The following MAPK9 variants were observed in gnomAD, a reference collection of about 807,000 sequenced individuals.
MAPK9 encodes Jun kinase.
In MAPK9, 30 loss-of-function variants were observed where a neutral mutation model predicts 57.1. The observed-to-expected ratio is 0.53, with a 90% CI of 0.39 to 0.71. MAPK9 has a LOEUF of 0.71. MAPK9 is among the 30% of genes least tolerant of loss of function. The pLI, the probability that MAPK9 is intolerant of heterozygous loss-of-function variation, is 0.00. For missense variants in MAPK9, 362 were observed against 521.0 expected (o/e 0.69, Z 2.97); for synonymous variants, 155 against 177.0 (o/e 0.88, Z 0.99).
Position 180,247,919 on chromosome 5 carries a change from G to C in MAPK9, c.617-409C>G. The C allele has an allele frequency of 6.2e-7, 1 of 1,613,858 alleles. No homozygotes were observed. Among genetic ancestry groups the C allele is most frequent in the Non-Finnish European group, 8.5e-7 (1 of 1,179,934 alleles). On this transcript the variant is annotated intron_variant, in intron 6 of 11. Transcript: ENST00000452135. The surrounding 1 kb of genome is among the most constrained non-coding windows in gnomAD (Gnocchi z 4.5). Reference sequence around the variant, plus strand: ...CTGCCATGATGCACCCGACAGACCAGATGTCCACTACCAAACACCAGGGGA... The same window carrying C: ...CTGCCATGATGCACCCGACAGACCACATGTCCACTACCAAACACCAGGGGA...
intron 3 of MAPK9, 52 bp downstream of exon 3, chr5:180,269,228 C>G (rs1192342775): frequency 1.3e-6 from 2 of 1,565,208 alleles, no homozygotes; most frequent in African/African-American, 1.4e-5. Flanking sequence ...CTGAAGATTA[C>G]CACATTATTG....
rs114045781 is a variant in MAPK9 at position 180,236,447 on chromosome 5, C to T, written c.1212G>A (p.Thr404=). 2.2e-4 allele frequency: 353 copies of T among 1,613,890 alleles called. No homozygotes were observed. The highest frequency in any genetic ancestry group is 2.8e-4 in the Non-Finnish European group (327 of 1,179,820). ...GACTGCTGTCTGTGTCTGAGGCCAG[C>T]GTCTGCTCAGTGGACATGGATGAAA... The part of the protein sequence containing the change: ...NDISSMSTEQ[T]LASDTDSSLD... Residue 404 remains threonine (T), a synonymous_variant, in exon 12 of 12, where the codon ACG becomes ACA. Transcript: ENST00000452135.
At chr5:180,263,372 C>G (rs1443747617) in intron 4 of MAPK9, among the ~76,000 whole-genome samples, 1 of 152,184 alleles carries the variant, frequency 6.6e-6, no homozygotes, top group African/African-American at 2.4e-5. Flanking sequence ...AACAGAACTG[C>G]TGCAACAGCA....
At chr5:180,267,757 T>TG (rs1407106908) in intron 3 of MAPK9, among the ~76,000 whole-genome samples, 2 of 152,008 alleles carry the variant, frequency 1.3e-5, no homozygotes, top group Non-Finnish European at 2.9e-5. Flanking sequence ...CCCAGCTACT[T>TG]GGAGGGCTGA....
At chr5:180,288,519 C>T (rs1356547205) in intron 1 of MAPK9, among the ~76,000 whole-genome samples, 1 of 152,124 alleles carries the variant, frequency 6.6e-6, no homozygotes, top group African/African-American at 2.4e-5. Context: ...AGAGACCTAC[C>T]GAAGTGTGAA....
In MAPK9 at chr5:180,247,987, C is replaced by T. The variant is rs1047043042; in HGVS notation, c.617-477G>A. 5.0e-5 allele frequency: 77 copies of T among 1,537,130 alleles called. No homozygotes were observed. Among genetic ancestry groups the T allele is most frequent in the African/African-American group, 2.7e-5 (2 of 73,268 alleles). ...TCCCCCATCTTTTTTCTTCAAACCC[C>T]CTCCCAGGACAAACCCGGTACACGT... is the stretch of plus-strand genomic sequence containing the variant. On this transcript the variant is annotated intron_variant, in intron 6 of 11. Transcript: ENST00000452135. The surrounding 1 kb of genome is among the most constrained non-coding windows in gnomAD (Gnocchi z 4.5).
At chr5:180,244,079 C>T (rs1757877152) in intron 7 of MAPK9, among the ~76,000 whole-genome samples, 1 of 152,096 alleles carries the variant, frequency 6.6e-6, no homozygotes, top group Non-Finnish European at 1.5e-5. Context: ...GAATTCCTGG[C>T]CTCAAGTGAT....
chr5:180,284,289 C>T (rs10052124), intron 1 of MAPK9, among the ~76,000 whole-genome samples: 1 of 152,156 alleles, frequency 6.6e-6, no homozygotes, highest in Non-Finnish European at 1.5e-5. Flanking sequence ...GTTCCTCCCC[C>T]TCAGCTCCCA....
At chr5:180,277,652 A>G (rs1331618766) in intron 2 of MAPK9, among the ~76,000 whole-genome samples, 2 of 152,174 alleles carry the variant, frequency 1.3e-5, no homozygotes. Context: ...TTTCAAGTAC[A>G]ATAGTGATGA....
Position 180,238,320 on chromosome 5 carries a change from G to T in MAPK9, c.1132+12C>A. On this transcript the variant is annotated intron_variant, in intron 11 of 11. Transcript: ENST00000452135. Reference sequence around the variant, plus strand: ...GAAAAATATCATACAATCAATTAAAGCAATCACTAACCTGAAGGCTGATCT... The same window carrying T: ...GAAAAATATCATACAATCAATTAAATCAATCACTAACCTGAAGGCTGATCT... 1 of 1,596,830 alleles carries T rather than the reference G, an allele frequency of 6.3e-7. No individual in the cohort carries two copies. The highest frequency in any genetic ancestry group is 8.6e-7 in the Non-Finnish European group (1 of 1,167,814).
At chr5:180,278,998 C>T (rs1170009469) in intron 2 of MAPK9, among the ~76,000 whole-genome samples, 2 of 150,216 alleles carry the variant, frequency 1.3e-5, no homozygotes, top group Non-Finnish European at 3.0e-5. Flanking sequence ...TGCTCCATCG[C>T]CCAGGCTGGA....
At chr5:180,272,080 T>A (rs991371550) in intron 2 of MAPK9, among the ~76,000 whole-genome samples, 1 of 152,224 alleles carries the variant, frequency 6.6e-6, no homozygotes, top group African/African-American at 2.4e-5. Flanking sequence ...ATTATTGTTG[T>A]CTGGCATCTC....
chr5:180,267,710 T>C (rs1298680203), intron 3 of MAPK9, among the ~76,000 whole-genome samples: 1 of 152,020 alleles, frequency 6.6e-6, no homozygotes, highest in Non-Finnish European at 1.5e-5. Context: ...ACAAACAATT[T>C]TAAAAACTGC....
intron 4 of MAPK9, 70 bp from the exon 5 acceptor site, chr5:180,261,892 A>C: frequency 7.6e-7 from 1 of 1,310,808 alleles, no homozygotes; most frequent in South Asian, 1.5e-5. Flanking sequence ...ATTTCATGAA[A>C]CTGTAACTTA....
chr5:180,245,208 C>T (rs1757990009), intron 7 of MAPK9, among the ~76,000 whole-genome samples: 1 of 152,224 alleles, frequency 6.6e-6, no homozygotes, highest in Non-Finnish European at 1.5e-5. Flanking sequence ...CACTGTCTAA[C>T]AGACATCTCC....
chr5:180,261,085 GT>G (rs902653212), intron 5 of MAPK9, among the ~76,000 whole-genome samples: 1 of 152,194 alleles, frequency 6.6e-6, no homozygotes, highest in African/African-American at 2.4e-5. Flanking sequence ...TGACAGTACA[GT>G]CACACTGTTA....
chr5:180,246,508 A>G (rs1478823982), intron 7 of MAPK9: 1 of 152,240 alleles, frequency 6.6e-6, no homozygotes, highest in Non-Finnish European at 1.5e-5. Flanking sequence ...AACACTGACT[A>G]TGGAGCTTGA....
intron 2 of MAPK9, among the ~76,000 whole-genome samples, chr5:180,276,695 A>C (rs1444134865): frequency 6.6e-6 from 1 of 152,156 alleles, no homozygotes; most frequent in African/African-American, 2.4e-5. Context: ...CTCTACTAAA[A>C]TACAAAAAAT....
intron 3 of MAPK9, 21 bp from the exon 4 acceptor site, chr5:180,264,860 A>G: frequency 2.7e-6 from 4 of 1,498,242 alleles, no homozygotes; most frequent in Non-Finnish European, 3.6e-6. Context: ...AAAATTAATT[A>G]TACTTCAATA....
Sources: gnomAD v4.1 joint callset for allele counts (sites outside exome capture counted in the v4.1 genomes callset) on GRCh38, gnomAD v4.1.1 for gene constraint, Gnocchi (gnomAD v3.1) non-coding constraint, MANE v1.5 for transcripts, NCBI Gene and HGNC (gene_info 2026-07-23, HGNC 2026-07-21) for gene names.